ZNF276: variants seen among roughly 807,000 people sequenced by gnomAD.
ZNF276 encodes the protein zinc finger protein 276.
ZNF276 carries 59 observed loss-of-function variants against 63.9 expected under a neutral mutation model. That is an observed-to-expected ratio of 0.92 (90% CI 0.75 to 1.15). The LOEUF (loss-of-function observed/expected upper bound fraction) is 1.15, where lower values mean the gene tolerates loss of function less well. ZNF276 is among the 50% of genes most tolerant of loss of function. The pLI, the probability that ZNF276 is intolerant of heterozygous loss-of-function variation, is 0.00. For missense variants in ZNF276, 1,084 were observed against 843.8 expected (o/e 1.28, Z -3.53); for synonymous variants, 496 against 348.4 (o/e 1.42, Z -4.72).
chr16:89,723,289 C>T lies in ZNF276; in HGVS notation c.586C>T (p.Leu196=), dbSNP rs779884356. The change falls in exon 4 of 11, where the codon CTG becomes TTG. Residue 196 remains leucine, a synonymous_variant. Transcript: ENST00000443381. ...VDLITSSPQC[L]HGLVGWVHGH... is the part of the protein sequence containing the mutation. ...TCTGATCACATCCAGCCCCCAGTGC[C>T]TGCACGGCTTGGTGGGGTGGGTGCA... 4.3e-6 allele frequency: 7 copies of T among 1,612,980 alleles called. No homozygotes were observed. Among genetic ancestry groups the T allele is most frequent in the Non-Finnish European group, 5.1e-6 (6 of 1,179,988 alleles).
rs778785348 is a variant in ZNF276, at chr16:89,739,963, C to G, written c.*1717C>G. On this transcript the variant is annotated 3_prime_UTR_variant, in exon 11 of 11. Transcript: ENST00000443381. ...GATGCCTCTGAAAAGAGCGGCCCTC[C>G]GCATTTGTGCCTCAGCAGCGTGTTT... 1.2e-6 allele frequency: 2 copies of G among 1,612,324 alleles called. No individual in the cohort carries two copies. The highest frequency in any genetic ancestry group is 1.7e-6 in the Non-Finnish European group (2 of 1,178,474).
chr16:89,738,210 C>G lies in ZNF276; in HGVS notation c.1809C>G (p.Thr603=). The change falls in exon 11 of 11, where the codon ACC becomes ACG. Residue 603 remains threonine, a synonymous_variant. Transcript: ENST00000443381. ...PPPGPPSPSV[T]TEGQAVKPEP... is the part of the protein sequence containing the mutation. The stretch of plus-strand genomic sequence containing the variant: ...CTGGGCCACCGAGCCCCTCTGTGAC[C>G]ACAGAGGGCCAGGCGGTGAAGCCCG... 1 of 1,610,472 alleles carries G rather than the reference C, an allele frequency of 6.2e-7. No homozygotes were observed. The highest frequency in any genetic ancestry group is 8.5e-7 in the Non-Finnish European group (1 of 1,178,808).
At chr16:89,726,625 C>T (rs1157214997) in intron 4 of ZNF276, among the ~76,000 whole-genome samples, 1 of 151,792 alleles carries the variant, frequency 6.6e-6, no homozygotes, top group East Asian at 1.9e-4. Flanking sequence ...GCCACTGCAC[C>T]CGGACTGAGA....
chr16:89,720,738 A>C, upstream of ZNF276: 1 of 1,426,232 alleles, frequency 7.0e-7, no homozygotes, highest in Non-Finnish European at 9.2e-7. Flanking sequence ...CTCAGCGGCC[A>C]AGCCCCGCCC....
intron 9 of ZNF276, 95 bp downstream of exon 9, chr16:89,734,133 TG>T: frequency 1.7e-6 from 2 of 1,206,730 alleles, no homozygotes; most frequent in Non-Finnish European, 2.4e-6. Context: ...CCCCAAGAGT[TG>T]GGGGTGCGTG....
chr16:89,733,186 G>A, intron 6 of ZNF276, 116 bp from the exon 7 acceptor site: 1 of 967,246 alleles, frequency 1.0e-6, no homozygotes, highest in Non-Finnish European at 1.6e-6. Context: ...GGGTCAGTCA[G>A]CACAGAAGCA....
upstream of ZNF276, chr16:89,720,704 G>A: frequency 3.7e-6 from 5 of 1,338,320 alleles, no homozygotes; most frequent in Admixed American, 7.2e-5. Flanking sequence ...CCCTCCCCGG[G>A]CGGGGGTCCC....
Position 89,739,447 on chromosome 16 carries a change from C to G in ZNF276, c.*1201C>G. 1 of 1,551,384 alleles carries G rather than the reference C, an allele frequency of 6.4e-7. No individual in the cohort carries two copies. Among genetic ancestry groups the G allele is most frequent in the Non-Finnish European group, 8.7e-7 (1 of 1,147,298 alleles). Reference sequence around the variant, plus strand: ...AGATGGGGGTCTGGGAAACACTGCCCAGCCCTGACCAGCCCTGTGGGTGGA... The same window carrying G: ...AGATGGGGGTCTGGGAAACACTGCCGAGCCCTGACCAGCCCTGTGGGTGGA... On this transcript the variant is annotated 3_prime_UTR_variant, in exon 11 of 11. Transcript: ENST00000443381.
At position 89,721,570 on chromosome 16, in the gene ZNF276, C is replaced by G. The variant is rs531602518; in HGVS notation, c.-71C>G. On this transcript the variant is annotated 5_prime_UTR_variant, in exon 1 of 11. Coordinates refer to ENST00000443381, the MANE Select transcript of ZNF276 (RefSeq NM_001113525.2). ...TCGCTTCCAGCGCGCCGAGCGGAGC[C>G]TAACGCCGGGTCCTCTAGGAACCTC... The G allele has an allele frequency of 2.8e-6, 4 of 1,411,718 alleles. No individual in the cohort carries two copies. The highest frequency in any genetic ancestry group is 3.0e-5 in the African/African-American group (2 of 66,588). 87.4% of individuals were successfully genotyped at this position (1,411,718 alleles called of 1,614,324 possible).
chr16:89,739,231 C>G lies in ZNF276; in HGVS notation c.*985C>G, dbSNP rs1456500627. 1 of 1,614,172 alleles carries G rather than the reference C, an allele frequency of 6.2e-7. No homozygotes were observed. Among genetic ancestry groups the G allele is most frequent in the Non-Finnish European group, 8.5e-7 (1 of 1,180,032 alleles). On this transcript the variant is annotated 3_prime_UTR_variant, in exon 11 of 11. Coordinates refer to ENST00000443381, the MANE Select transcript of ZNF276 (RefSeq NM_001113525.2). The stretch of plus-strand genomic sequence containing the variant: ...ACCAGCTTCAAGTACATGTCCACAG[C>G]AACATGCAGGAAGGCCTCTTCCCTG...
At chr16:89,721,200 T>G, upstream of ZNF276, 1 of 221,046 alleles carries the variant, frequency 4.5e-6, no homozygotes, top group East Asian at 9.4e-5. Flanking sequence ...CCCCTCCCCT[T>G]TCTGCAGCCC....
At chr16:89,734,074 A>G (rs751775051) in intron 9 of ZNF276, 36 bp downstream of exon 9, 5 of 1,595,266 alleles carry the variant, frequency 3.1e-6, no homozygotes, top group African/African-American at 1.3e-5. Context: ...CGCGGGTGAC[A>G]GCCAGGGGCA....
chr16:89,738,281 G>A lies in ZNF276; in HGVS notation c.*35G>A, dbSNP rs1339122096. 1.3e-6 allele frequency: 2 copies of A among 1,557,286 alleles called. No individual in the cohort carries two copies. The highest frequency in any genetic ancestry group is 8.7e-7 in the Non-Finnish European group (1 of 1,152,906). On this transcript the variant is annotated 3_prime_UTR_variant, in exon 11 of 11. Transcript: ENST00000443381. ...TGAGGATGAGCACCTCTAGCAGCCT[G>A]GACTCCGCAGTGGCTGTGTCAGCCT...
upstream of ZNF276, chr16:89,720,675 C>A: frequency 7.9e-7 from 1 of 1,270,870 alleles, no homozygotes; most frequent in Non-Finnish European, 9.9e-7. Flanking sequence ...GTCTCCAGCC[C>A]GAGCCGGCCC....
Position 89,733,498 on chromosome 16 carries a change from A to G in ZNF276, c.1297A>G (p.Ile433Val), listed in dbSNP as rs1326434970. The stretch of plus-strand genomic sequence containing the variant: ...TCATTGCAGGGAGGAGCTTCCCACC[A>G]TCTACAAGTGTCCTTACCAGGGCTG... ...LRCEREELPT[I>V]YKCPYQGCTA... is the part of the protein sequence containing the mutation. The change falls in exon 8 of 11, where the codon ATC becomes GTC. Residue 433 changes from isoleucine (I) to valine (V), a missense_variant. Physicochemically the swap from Ile to Val is conservative, Grantham distance 29. Transcript: ENST00000443381. The G allele has an allele frequency of 1.2e-6, 2 of 1,614,158 alleles. No individual in the cohort carries two copies. The highest frequency in any genetic ancestry group is 1.7e-6 in the Non-Finnish European group (2 of 1,180,036).
chr16:89,724,808 A>T (rs1166103147), intron 4 of ZNF276, among the ~76,000 whole-genome samples: 1 of 143,718 alleles, frequency 7.0e-6, no homozygotes, highest in Non-Finnish European at 1.6e-5. Context: ...AATTCTATCT[A>T]TCTGTGTATC....
chr16:89,726,416 C>T (rs916470387), intron 4 of ZNF276, among the ~76,000 whole-genome samples: 7 of 152,066 alleles, frequency 4.6e-5, no homozygotes, highest in Non-Finnish European at 8.8e-5. Flanking sequence ...AGGCTGGTCT[C>T]GACCTCCCGA....
intron 9 of ZNF276, among the ~76,000 whole-genome samples, chr16:89,736,653 G>A (rs1359767352): frequency 1.3e-5 from 2 of 151,654 alleles, no homozygotes; most frequent in African/African-American, 4.8e-5. Context: ...AAATTACCTG[G>A]GTGTGGTGGT....
In ZNF276 at chr16:89,739,598, CTAT is replaced by C. The variant is rs757527847; in HGVS notation, c.*1356_*1358del. 1 of 1,543,376 alleles carries C rather than the reference CTAT, an allele frequency of 6.5e-7. No homozygotes were observed. The highest frequency in any genetic ancestry group is 8.8e-7 in the Non-Finnish European group (1 of 1,140,476). ...CTCAGGCAACTCTGGACATCTCTGC[CTAT>C]TATCAGTGCTGGGGACACCCCTGGG... is the stretch of plus-strand genomic sequence containing the variant. On this transcript the variant is annotated 3_prime_UTR_variant, in exon 11 of 11. Transcript: ENST00000443381.
Sources: gnomAD v4.1 joint callset for allele counts (sites outside exome capture counted in the v4.1 genomes callset) on GRCh38, gnomAD v4.1.1 for gene constraint, MANE v1.5 for transcripts, NCBI Gene and HGNC (gene_info 2026-07-23, HGNC 2026-07-21) for gene names.